The following SOX13 variants were observed in gnomAD, a reference collection of about 807,000 sequenced individuals.
SOX13 encodes SRY-box transcription factor 13.
Under a neutral mutation model 71.8 loss-of-function variants are expected in SOX13, and 28 were observed. The observed-to-expected ratio is 0.39, with a 90% CI of 0.29 to 0.53. The LOEUF is 0.53. SOX13 is among the 20% of genes least tolerant of loss of function. The pLI, the probability that SOX13 is intolerant of heterozygous loss-of-function variation, is 0.70. For missense variants in SOX13, 627 were observed against 810.3 expected (o/e 0.77, Z 2.75); for synonymous variants, 309 against 317.8 (o/e 0.97, Z 0.29).
At chr1:204,094,767 G>T (rs1055323879) in intron 1 of SOX13, among the ~76,000 whole-genome samples, 1 of 152,216 alleles carries the variant, frequency 6.6e-6, no homozygotes, top group Non-Finnish European at 1.5e-5. Flanking sequence ...TGTTGGTTAA[G>T]TGGGAACTGG....
chr1:204,124,017 CAAG>C (rs964409169), intron 12 of SOX13, among the ~76,000 whole-genome samples: 1 of 152,192 alleles, frequency 6.6e-6, no homozygotes, highest in African/African-American at 2.4e-5. Context: ...CTCAAGAACT[CAAG>C]GAGTGTGCGT....
chr1:204,113,907 C>G (rs1344628451), intron 2 of SOX13, among the ~76,000 whole-genome samples: 1 of 152,136 alleles, frequency 6.6e-6, no homozygotes, highest in Non-Finnish European at 1.5e-5. Flanking sequence ...TGGGTATGTT[C>G]AAGGGAGTGA....
Position 204,127,663 on chromosome 1 carries a change from T to G in SOX13, c.*1529T>G, listed in dbSNP as rs563323966. ...TAATAATAAGATAATGATGAGTAAC[T>G]TAACCAGCACATTTCTCCTGTTTAC... On this transcript the variant is annotated 3_prime_UTR_variant, in exon 14 of 14. Coordinates refer to ENST00000367204, the MANE Select transcript of SOX13 (RefSeq NM_005686.3). The G allele has an allele frequency of 1.3e-5, 2 of 152,772 alleles. No homozygotes were observed. The highest frequency in any genetic ancestry group is 4.1e-4 in the South Asian group (2 of 4,828). 9.5% of individuals were successfully genotyped at this position (152,772 alleles called of 1,614,324 possible). A position where few individuals can be genotyped will look rare whatever the true frequency, so the allele number is the denominator to read the frequency against.
At chr1:204,108,548 G>T (rs1246040024) in intron 1 of SOX13, among the ~76,000 whole-genome samples, 1 of 152,258 alleles carries the variant, frequency 6.6e-6, no homozygotes, top group Non-Finnish European at 1.5e-5. Context: ...TGTGGCTGCT[G>T]CTGGGATTTC....
rs545879047 is a variant in SOX13 at position 204,123,088 on chromosome 1, G to A, written c.1135-24G>A. ...GTGGGGTGATGCAGAGGAGGCTGAT[G>A]TCAGGTTGCCCCTGTCAACCTAGGA... On this transcript the variant is annotated intron_variant, in intron 10 of 13. Coordinates refer to ENST00000367204, the MANE Select transcript of SOX13 (RefSeq NM_005686.3). This position sits in a 1 kb window ranked among gnomAD's most constrained non-coding sequence, Gnocchi z 5.0. 3 of 1,590,804 alleles carry A rather than the reference G, an allele frequency of 1.9e-6. No homozygotes were observed. The South Asian group carries it at 3.3e-5, about 18-fold the overall frequency.
intron 7 of SOX13, chr1:204,119,324 G>A (rs1656756104): frequency 6.6e-6 from 1 of 152,234 alleles, no homozygotes; most frequent in Non-Finnish European, 1.5e-5. Flanking sequence ...CAGTTCTGGG[G>A]GCTGTGAATT....
chr1:204,109,314 G>A (rs1656531088), intron 1 of SOX13, among the ~76,000 whole-genome samples: 1 of 152,234 alleles, frequency 6.6e-6, no homozygotes, highest in African/African-American at 2.4e-5. Flanking sequence ...AAATACACAT[G>A]CACTCATGCA....
chr1:204,102,425 C>G (rs781680107), intron 1 of SOX13, among the ~76,000 whole-genome samples: 1 of 152,142 alleles, frequency 6.6e-6, no homozygotes, highest in African/African-American at 2.4e-5. Context: ...TGTCATCAGC[C>G]GGGGAAGGGA....
intron 1 of SOX13, among the ~76,000 whole-genome samples, chr1:204,108,779 G>C (rs1206579310): frequency 1.3e-5 from 2 of 152,338 alleles, no homozygotes; most frequent in East Asian, 1.9e-4. Context: ...TATTGCTTTT[G>C]TCCAACACCC....
intron 1 of SOX13, among the ~76,000 whole-genome samples, chr1:204,095,243 G>A (rs571368174): frequency 3.7e-4 from 56 of 152,322 alleles, no homozygotes; most frequent in African/African-American, 1.1e-3. Flanking sequence ...AGGATTTCCA[G>A]GAAAGTCGAG....
intron 1 of SOX13, among the ~76,000 whole-genome samples, chr1:204,112,148 A>G (rs1264298690): frequency 6.6e-6 from 1 of 152,220 alleles, no homozygotes; most frequent in Non-Finnish European, 1.5e-5. Flanking sequence ...AATTATAAAA[A>G]TGCATTTGTA....
chr1:204,089,183 G>T (rs777145553), intron 1 of SOX13, among the ~76,000 whole-genome samples: 1 of 117,828 alleles, frequency 8.5e-6, no homozygotes, highest in African/African-American at 2.8e-5. Flanking sequence ...GAAGATGCAT[G>T]GGGGGGTGGG....
chr1:204,095,118 C>T (rs1054852874), intron 1 of SOX13, among the ~76,000 whole-genome samples: 3 of 152,184 alleles, frequency 2.0e-5, no homozygotes, highest in Admixed American at 6.5e-5. Context: ...GGCCCTGAGC[C>T]GTACAGTAAG....
intron 2 of SOX13, 27 bp from the exon 3 acceptor site, chr1:204,114,294 A>T: frequency 6.8e-7 from 1 of 1,465,156 alleles, no homozygotes; most frequent in Non-Finnish European, 9.4e-7. Context: ...CTTGGGGGTT[A>T]TGGTGACAAT....
chr1:204,116,321 A>G (rs1465399534), intron 4 of SOX13, 186 bp from the exon 5 acceptor site: 15 of 1,542,354 alleles, frequency 9.7e-6, no homozygotes. Flanking sequence ...AGTAGTTGCC[A>G]GGTAGCAACA....
rs1029310762 is a variant in SOX13, at chr1:204,126,296, C to T, written c.*162C>T. 15 of 768,926 alleles carry T rather than the reference C, an allele frequency of 2.0e-5. No homozygotes were observed. Among genetic ancestry groups the T allele is most frequent in the African/African-American group, 7.0e-5 (4 of 57,294 alleles). The allele number at this position is 768,926 out of a possible 1,614,324, so 47.6% of individuals were successfully genotyped here. A position where few individuals can be genotyped will look rare whatever the true frequency, so the allele number is the denominator to read the frequency against. On this transcript the variant is annotated 3_prime_UTR_variant, in exon 14 of 14. Coordinates refer to ENST00000367204, the MANE Select transcript of SOX13 (RefSeq NM_005686.3). ...GCAGATACATTCATGAGGGGAGAGG[C>T]GCCCTCCCTTCCTGAGGAGCTGTTG... is the stretch of plus-strand genomic sequence containing the variant.
intron 1 of SOX13, among the ~76,000 whole-genome samples, chr1:204,102,828 C>T (rs528597474): frequency 5.9e-5 from 9 of 152,196 alleles, no homozygotes; most frequent in African/African-American, 2.2e-4. Flanking sequence ...TGAAACTTCC[C>T]CATGGCCACA....
intron 1 of SOX13, among the ~76,000 whole-genome samples, chr1:204,075,491 C>T (rs1052023974): frequency 1.3e-5 from 2 of 152,340 alleles, no homozygotes. Flanking sequence ...CGATGAGCAG[C>T]GTGGGTTTGG....
At chr1:204,096,960 A>G (rs991826962) in intron 1 of SOX13, among the ~76,000 whole-genome samples, 1 of 152,136 alleles carries the variant, frequency 6.6e-6, no homozygotes, top group Non-Finnish European at 1.5e-5. Flanking sequence ...GGGGAAGTCA[A>G]GGCCTGAGAA....
Sources: allele counts gnomAD v4.1 joint callset (sites outside exome capture counted in the v4.1 genomes callset), GRCh38; gene constraint gnomAD v4.1.1; non-coding constraint Gnocchi (gnomAD v3.1); transcripts MANE v1.5; gene names NCBI Gene and HGNC (gene_info 2026-07-23, HGNC 2026-07-21).